The following ZNF124 variants were observed in gnomAD, a reference collection of about 807,000 sequenced individuals.
The protein encoded by ZNF124 is zinc finger protein 124.
ZNF124 carries 25 observed loss-of-function variants against 26.6 expected under a neutral mutation model. The observed-to-expected ratio is 0.94, with a 90% CI of 0.68 to 1.31. The LOEUF is 1.31. ZNF124 is among the 40% of genes most tolerant of loss of function. ZNF124 has a pLI of 0.00. For missense variants in ZNF124, 444 were observed against 422.2 expected (o/e 1.05, Z -0.45); for synonymous variants, 129 against 133.3 (o/e 0.97, Z 0.22).
intron 3 of ZNF124, among the ~76,000 whole-genome samples, chr1:247,142,645 T>C (rs1176549123): frequency 5.3e-5 from 8 of 152,190 alleles, no homozygotes; most frequent in African/African-American, 1.9e-4. Flanking sequence ...TTTTTTCAGT[T>C]TGATGAAATC....
chr1:247,138,470 T>G (rs1572062961), intron 3 of ZNF124: 18 of 230,608 alleles, frequency 7.8e-5, no homozygotes, highest in South Asian at 2.4e-4. Context: ...CTGTTGGGGG[T>G]TGGGGGGTGA....
At chr1:247,172,041 G>A (rs1239239743), upstream of ZNF124, 1 of 71,672 alleles carries the variant, frequency 1.4e-5, no homozygotes, top group South Asian at 5.4e-4. Context: ...GCCGCCTCGG[G>A]TTTTCTAGCG....
intron 3 of ZNF124, among the ~76,000 whole-genome samples, chr1:247,130,757 T>A (rs1055751650): frequency 3.9e-5 from 6 of 152,228 alleles, no homozygotes; most frequent in African/African-American, 1.4e-4. Context: ...TGCTGGACTC[T>A]TCAAACACTG....
intron 3 of ZNF124, among the ~76,000 whole-genome samples, chr1:247,137,298 A>C (rs1463216726): frequency 6.6e-6 from 1 of 151,220 alleles, no homozygotes; most frequent in Non-Finnish European, 1.5e-5. Context: ...AATTAACTCA[A>C]GATGGGTTGA....
downstream of ZNF124, among the ~76,000 whole-genome samples, chr1:247,151,555 A>G (rs1672945460): frequency 6.6e-6 from 1 of 152,168 alleles, no homozygotes; most frequent in Non-Finnish European, 1.5e-5. Context: ...GTTGGCATGA[A>G]AAGTGTTACA....
chr1:247,145,945 G>A (rs1235520458), intron 3 of ZNF124, among the ~76,000 whole-genome samples: 2 of 152,210 alleles, frequency 1.3e-5, no homozygotes, highest in African/African-American at 4.8e-5. Context: ...TTGAGTGACT[G>A]GACACAGCAG....
rs760492253 is a variant in ZNF124, at chr1:247,157,234, C to G, written c.388G>C (p.Val130Leu). The G allele has an allele frequency of 6.2e-7, 1 of 1,614,124 alleles. No individual in the cohort carries two copies. Among genetic ancestry groups the G allele is most frequent in the Admixed American group, 1.7e-5 (1 of 60,022 alleles). ...TGAAATGAACTGGGAATATTAAAAA[C>G]TTTCTCACATATTGTACAACCATAA... ...GHYGCTICEK[V>L]FNIPSSFQIH... The change falls in exon 4 of 4, where the codon GTT becomes CTT. Residue 130 changes from valine to leucine, a missense_variant. Val to Leu is a conservative substitution (Grantham distance 32, BLOSUM62 1). Transcript: ENST00000543802.
intron 3 of ZNF124, among the ~76,000 whole-genome samples, chr1:247,125,538 T>A (rs1672195502): frequency 6.8e-6 from 1 of 148,074 alleles, no homozygotes; most frequent in African/African-American, 2.5e-5. Context: ...TTCAAGGGAT[T>A]CTCCTGCCTC....
At chr1:247,166,134 G>A (rs1227249147) in intron 1 of ZNF124, among the ~76,000 whole-genome samples, 1 of 152,124 alleles carries the variant, frequency 6.6e-6, no homozygotes, top group Non-Finnish European at 1.5e-5. Context: ...AGCCAAAATC[G>A]TGCCACTGCA....
In ZNF124 at chr1:247,155,249, GAAAAT is replaced by G. The variant is rs554802156; in HGVS notation, c.*1312_*1316del. ...AATTGACAGCAACTCTATTAGCAAA[GAAAAT>G]AGACTCATTTATCAATGGCCAATTA... On this transcript the variant is annotated 3_prime_UTR_variant, in exon 4 of 4. Coordinates refer to ENST00000543802, the MANE Select transcript of ZNF124 (RefSeq NM_001297568.2). Among the ~76,000 whole-genome samples the G allele has an allele frequency of 2.0e-5, 3 of 151,472 alleles. No individual in the cohort carries two copies. The East Asian group carries it at 5.8e-4, about 29-fold the overall frequency.
At chr1:247,131,738 A>G (rs906239538) in intron 3 of ZNF124, among the ~76,000 whole-genome samples, 3 of 152,050 alleles carry the variant, frequency 2.0e-5, no homozygotes, top group African/African-American at 7.2e-5. Flanking sequence ...GAGGGTCTCC[A>G]ATAACTCCAG....
chr1:247,159,006 C>G lies in ZNF124; in HGVS notation c.218G>C (p.Arg73Thr), dbSNP rs757827600. Residue 73 changes from arginine to threonine, a missense_variant and splice_region_variant, in exon 3 of 4, where the codon AGG (arginine) becomes ACG (threonine). By Grantham distance (71) the Arg-to-Thr change is moderately conservative. Coordinates refer to ENST00000543802, the MANE Select transcript of ZNF124 (RefSeq NM_001297568.2). ...GCTTCCTCTTGTGAGGGCAAATTACCTTAGATTTCTTGAAGAATTTTTGTA... is the reference window on the plus strand; with the variant it reads ...GCTTCCTCTTGTGAGGGCAAATTACGTTAGATTTCTTGAAGAATTTTTGTA... ...DQYKNSSRNL[R>T]HIISHSGNNP... The G allele has an allele frequency of 1.2e-6, 2 of 1,613,000 alleles. No homozygotes were observed. The highest frequency in any genetic ancestry group is 2.2e-5 in the East Asian group (1 of 44,872).
chr1:247,163,226 A>T (rs1673585296), intron 1 of ZNF124, among the ~76,000 whole-genome samples: 1 of 152,082 alleles, frequency 6.6e-6, no homozygotes, highest in Non-Finnish European at 1.5e-5. Flanking sequence ...GCAACCTAAC[A>T]TTACACTTAG....
At chr1:247,147,885 A>G (rs1456710958) in intron 3 of ZNF124, among the ~76,000 whole-genome samples, 1 of 151,988 alleles carries the variant, frequency 6.6e-6, no homozygotes, top group Non-Finnish European at 1.5e-5. Context: ...CAAAGGCCCC[A>G]CCTCCATTGT....
chr1:247,159,033 T>C lies in ZNF124; in HGVS notation c.191A>G (p.Gln64Arg), dbSNP rs1291618058. The C allele has an allele frequency of 1.2e-6, 2 of 1,613,426 alleles. No homozygotes were observed. The highest frequency in any genetic ancestry group is 1.1e-5 in the South Asian group (1 of 90,832). ...TAGATTTCTTGAAGAATTTTTGTACTGATCTTCAATGCTCTGGTCTTCCCC... is the reference window on the plus strand; with the variant it reads ...TAGATTTCTTGAAGAATTTTTGTACCGATCTTCAATGCTCTGGTCTTCCCC... ...NKGEDQSIEDQYKNSSRNLRH... is the reference protein window; with the variant it reads ...NKGEDQSIEDRYKNSSRNLRH... The change falls in exon 3 of 4, where the codon CAG becomes CGG. Residue 64 changes from glutamine to arginine, a missense_variant. By Grantham distance (43) the Gln-to-Arg change is conservative. Coordinates refer to ENST00000543802, the MANE Select transcript of ZNF124 (RefSeq NM_001297568.2).
At chr1:247,147,586 T>C (rs375035141) in intron 3 of ZNF124, among the ~76,000 whole-genome samples, 2 of 152,138 alleles carry the variant, frequency 1.3e-5, no homozygotes, top group Non-Finnish European at 2.9e-5. Flanking sequence ...CAGAGAGATA[T>C]TACTATTCTA....
chr1:247,127,920 A>G (rs1672250411), intron 3 of ZNF124, among the ~76,000 whole-genome samples: 1 of 152,026 alleles, frequency 6.6e-6, no homozygotes, highest in Non-Finnish European at 1.5e-5. Context: ...ACTTCAGTCT[A>G]ATTTCTTCCT....
intron 3 of ZNF124, among the ~76,000 whole-genome samples, chr1:247,131,808 G>A (rs1672375301): frequency 6.6e-6 from 1 of 152,192 alleles, no homozygotes. Context: ...GGGGAGGGGT[G>A]GCCGCAGTCT....
At chr1:247,161,806 T>C (rs2103128042) in intron 1 of ZNF124, among the ~76,000 whole-genome samples, 1 of 152,130 alleles carries the variant, frequency 6.6e-6, no homozygotes, top group South Asian at 2.1e-4. Flanking sequence ...AGAACAAAAA[T>C]TAGAGAATCT....
Sources: allele counts gnomAD v4.1 joint callset (sites outside exome capture counted in the v4.1 genomes callset), GRCh38; gene constraint gnomAD v4.1.1; transcripts MANE v1.5; gene names NCBI Gene and HGNC (gene_info 2026-07-23, HGNC 2026-07-21).